Variants in PCDH15 observed in about 807,000 individuals in gnomAD.
PCDH15 encodes protocadherin-15.
Under a neutral mutation model 178.5 loss-of-function variants are expected in PCDH15, and 129 were observed. The ratio of observed to expected loss-of-function variants is 0.72; its 90% CI spans 0.63 to 0.84. PCDH15 has a LOEUF of 0.84. PCDH15 is among the 40% of genes least tolerant of loss of function. PCDH15 has a pLI of 0.00. For synonymous variants in PCDH15, 800 were observed against 732.0 expected, an observed-to-expected ratio of 1.09 and a Z score of -1.50; for missense variants, 2,230 against 2,099.9, an observed-to-expected ratio of 1.06 and a Z score of -1.21.
chr10:55,291,605 G>A lies in PCDH15; in HGVS notation c.-156+27994C>T, dbSNP rs554892571. Reference sequence around the variant, plus strand: ...GATGTCTTTACTAAGTTAAAGAAAAGACAATGTAATTCAATGAAGAAAATT... The same window carrying A: ...GATGTCTTTACTAAGTTAAAGAAAAAACAATGTAATTCAATGAAGAAAATT... On this transcript the variant is annotated intron_variant, in intron 1 of 5. Coordinates refer to the PCDH15 transcript ENST00000458638. 3.3e-5 allele frequency among the ~76,000 whole-genome samples: 5 copies of A among 152,144 alleles called. No individual in the cohort carries two copies. The South Asian group carries it at 1.0e-3, about 31-fold the overall frequency.
intron 2 of PCDH15, among the ~76,000 whole-genome samples, chr10:55,600,436 C>T (rs1263008322): frequency 6.6e-6 from 1 of 151,954 alleles, no homozygotes; most frequent in Non-Finnish European, 1.5e-5. Context: ...ACTAAGACCG[C>T]ACTAGTGTAA....
chr10:54,214,961 A>G lies in PCDH15; in HGVS notation c.986-913T>C, dbSNP rs149141729. Among the ~76,000 whole-genome samples, 8 of 152,312 alleles carry G rather than the reference A, an allele frequency of 5.3e-5. No homozygotes were observed. The East Asian group carries it at 9.6e-4, about 18-fold the overall frequency. ...TCATGAAGAAATGTCTTCTAATTGT[A>G]TAATCTTCCTTTGTGTACTGCAACA... On this transcript the variant is annotated intron_variant, in intron 9 of 37. Transcript: ENST00000644397.
At chr10:55,278,955 A>G (rs1050193785) in intron 1 of PCDH15, among the ~76,000 whole-genome samples, 1 of 152,128 alleles carries the variant, frequency 6.6e-6, no homozygotes, top group African/African-American at 2.4e-5. Flanking sequence ...ACTCCATTTA[A>G]CACTTCATTT....
At chr10:54,993,073 G>A (rs1487695981) in intron 2 of PCDH15, among the ~76,000 whole-genome samples, 1 of 152,070 alleles carries the variant, frequency 6.6e-6, no homozygotes. Context: ...GAATTATGGT[G>A]GCTTAGCATG....
intron 1 of PCDH15, among the ~76,000 whole-genome samples, chr10:54,698,519 G>A (rs2095265548): frequency 6.6e-6 from 1 of 152,140 alleles, no homozygotes; most frequent in South Asian, 2.1e-4. Context: ...AATGGAATGA[G>A]ATGAGATATT....
intron 3 of PCDH15, among the ~76,000 whole-genome samples, chr10:54,426,624 G>A (rs1432610685): frequency 6.6e-6 from 1 of 152,072 alleles, no homozygotes; most frequent in Admixed American, 6.5e-5. Context: ...CAGATCTGCT[G>A]TTTGTCTCGA....
At chr10:54,787,855 T>C (rs1951035194) in intron 1 of PCDH15, among the ~76,000 whole-genome samples, 1 of 151,988 alleles carries the variant, frequency 6.6e-6, no homozygotes, top group South Asian at 2.1e-4. Context: ...GGTTTTCAAT[T>C]AGTTAGAACA....
intron 14 of PCDH15, among the ~76,000 whole-genome samples, chr10:54,136,306 G>GT (rs1023143487): frequency 5.9e-5 from 9 of 151,596 alleles, no homozygotes; most frequent in South Asian, 2.1e-4. Flanking sequence ...AGACTCACCT[G>GT]TTTTTTTTAA....
At chr10:55,092,413 A>T (rs569333964) in intron 2 of PCDH15, among the ~76,000 whole-genome samples, 3 of 152,020 alleles carry the variant, frequency 2.0e-5, no homozygotes, top group African/African-American at 4.8e-5. Flanking sequence ...TGAAGAAAAC[A>T]TGCTATTCTT....
chr10:55,063,888 C>T (rs1452034696), intron 2 of PCDH15, among the ~76,000 whole-genome samples: 1 of 152,104 alleles, frequency 6.6e-6, no homozygotes, highest in Non-Finnish European at 1.5e-5. Flanking sequence ...AGAAAGTATG[C>T]TGTTTATCCT....
At chr10:54,540,129 G>T (rs1426370564) in intron 2 of PCDH15, among the ~76,000 whole-genome samples, 1 of 151,968 alleles carries the variant, frequency 6.6e-6, no homozygotes, top group Non-Finnish European at 1.5e-5. Context: ...AAAGCTACCT[G>T]AAGAAAATAA....
At chr10:53,964,590 A>G (rs1393595607) in intron 21 of PCDH15, among the ~76,000 whole-genome samples, 1 of 151,856 alleles carries the variant, frequency 6.6e-6, no homozygotes, top group Non-Finnish European at 1.5e-5. Flanking sequence ...ACTTCAACTG[A>G]TATCTAAAGT....
intron 15 of PCDH15, among the ~76,000 whole-genome samples, chr10:54,111,847 C>T (rs1278722315): frequency 1.3e-5 from 2 of 151,870 alleles, no homozygotes; most frequent in African/African-American, 4.8e-5. Context: ...AAGATCTTGG[C>T]CAGGCGTGGT....
At chr10:55,512,169 G>A (rs1187139567) in intron 2 of PCDH15, among the ~76,000 whole-genome samples, 1 of 152,018 alleles carries the variant, frequency 6.6e-6, no homozygotes, top group Non-Finnish European at 1.5e-5. Context: ...TGGTGTTTAT[G>A]AGAATACTGA....
chr10:55,005,772 AT>A (rs1302481274), intron 2 of PCDH15, among the ~76,000 whole-genome samples: 2 of 152,134 alleles, frequency 1.3e-5, no homozygotes, highest in Non-Finnish European at 2.9e-5. Flanking sequence ...AACAAAAAAA[AT>A]AAAGATTTAA....
intron 1 of PCDH15, among the ~76,000 whole-genome samples, chr10:55,188,970 A>T (rs1290829084): frequency 6.6e-6 from 1 of 151,936 alleles, no homozygotes; most frequent in Non-Finnish European, 1.5e-5. Flanking sequence ...AAAAATAAAA[A>T]AGAGAAAAAT....
chr10:54,485,463 A>G (rs2079037036), intron 3 of PCDH15, among the ~76,000 whole-genome samples: 1 of 152,052 alleles, frequency 6.6e-6, no homozygotes, highest in Admixed American at 6.6e-5. Context: ...GATACAAAAT[A>G]AGAGCAAAGT....
intron 2 of PCDH15, among the ~76,000 whole-genome samples, chr10:55,006,357 C>T (rs1461487781): frequency 2.6e-5 from 4 of 152,002 alleles, no homozygotes; most frequent in African/African-American, 9.7e-5. Flanking sequence ...ATTATTAAGC[C>T]ATCCAAATCA....
intron 6 of PCDH15, among the ~76,000 whole-genome samples, chr10:54,336,691 G>A (rs969286704): frequency 5.9e-5 from 9 of 152,218 alleles, no homozygotes; most frequent in African/African-American, 1.9e-4. Context: ...TTGCTGAAGG[G>A]GCAGGGCCCT....
Sources: allele counts gnomAD v4.1 joint callset (sites outside exome capture counted in the v4.1 genomes callset), GRCh38; gene constraint gnomAD v4.1.1; transcripts MANE v1.5; gene names NCBI Gene and HGNC (gene_info 2026-07-23, HGNC 2026-07-21).